Variants in ARHGEF10 observed in about 807,000 individuals in gnomAD.
The protein encoded by ARHGEF10 is Rho guanine nucleotide exchange factor (GEF) 10.
A neutral mutation model predicts 147.4 loss-of-function variants in ARHGEF10; 140 were observed. That is an observed-to-expected ratio of 0.95 (90% CI 0.83 to 1.09). The LOEUF (loss-of-function observed/expected upper bound fraction) is 1.09, where lower values mean the gene tolerates loss of function less well. ARHGEF10 is among the 50% of genes least tolerant of loss of function. ARHGEF10 has a pLI of 0.00. For missense variants in ARHGEF10, 2,222 were observed against 1,752.7 expected (o/e 1.27, Z -4.78); for synonymous variants, 902 against 695.8 (o/e 1.30, Z -4.67).
At chr8:1,918,861 G>A (rs1811965604) in intron 18 of ARHGEF10, among the ~76,000 whole-genome samples, 1 of 151,982 alleles carries the variant, frequency 6.6e-6, no homozygotes, top group African/African-American at 2.4e-5. Context: ...CTGTTATGTG[G>A]ATGATGGAGC....
chr8:1,905,337 T>G (rs1810795666), intron 16 of ARHGEF10, among the ~76,000 whole-genome samples: 1 of 152,152 alleles, frequency 6.6e-6, no homozygotes, highest in African/African-American at 2.4e-5. Context: ...ATTCCTTGCA[T>G]TCCTCACCGT....
intron 11 of ARHGEF10, among the ~76,000 whole-genome samples, chr8:1,889,808 TGGGAG>T (rs1809279897): frequency 9.0e-6 from 1 of 110,920 alleles, no homozygotes; most frequent in Non-Finnish European, 1.8e-5. Context: ...AGACACTTCA[TGGGAG>T]GAGGGTTTGT....
chr8:1,950,487 A>G (rs1374134777), intron 27 of ARHGEF10, among the ~76,000 whole-genome samples: 1 of 152,122 alleles, frequency 6.6e-6, no homozygotes, highest in Non-Finnish European at 1.5e-5. Flanking sequence ...AAAAACATTC[A>G]TATCGGGTTT....
At chr8:1,886,003 T>C (rs925283827) in intron 11 of ARHGEF10, among the ~76,000 whole-genome samples, 2 of 152,166 alleles carry the variant, frequency 1.3e-5, no homozygotes, top group Non-Finnish European at 2.9e-5. Flanking sequence ...GGAACTTGCA[T>C]TCTTCGTGGG....
At chr8:1,841,994 C>A (rs1421236763) in intron 1 of ARHGEF10, among the ~76,000 whole-genome samples, 1 of 69,278 alleles carries the variant, frequency 1.4e-5, no homozygotes, top group Non-Finnish European at 3.0e-5. Flanking sequence ...GAACTGGGGC[C>A]GCGGCGGGAA....
At chr8:1,898,828 C>A (rs1483944590) in intron 15 of ARHGEF10, among the ~76,000 whole-genome samples, 1 of 152,080 alleles carries the variant, frequency 6.6e-6, no homozygotes, top group African/African-American at 2.4e-5. Context: ...GGCCCCAGCA[C>A]TGGGGGGCCG....
chr8:1,952,816 C>G lies in ARHGEF10; in HGVS notation c.3509C>G (p.Pro1170Arg), dbSNP rs1304956886. 1 of 1,613,898 alleles carries G rather than the reference C, an allele frequency of 6.2e-7. No homozygotes were observed. The highest frequency in any genetic ancestry group is 8.5e-7 in the Non-Finnish European group (1 of 1,180,042). Residue 1170 changes from proline (P) to arginine (R), a missense_variant, in exon 28 of 29, where the codon CCC becomes CGC. Pro to Arg is a moderately radical substitution (Grantham distance 103). Transcript: ENST00000349830. ...ALPVPRLQGI[P>R]KVTGRGMVSY... ...CCGGTCCCACGTCTGCAAGGGATTC[C>G]CAAAGTGACCGGTGAGTGGCACCTG...
intron 27 of ARHGEF10, among the ~76,000 whole-genome samples, 195 bp from the exon 28 acceptor site, chr8:1,952,510 G>A (rs1815137736): frequency 6.6e-6 from 1 of 152,252 alleles, no homozygotes; most frequent in African/African-American, 2.4e-5. Flanking sequence ...TGCAGGGTAT[G>A]CCCTCAAGAC....
rs759577617 is a variant in ARHGEF10, at chr8:1,938,751, C to CAT, written c.3222+4811_3222+4812dup. ...AGGAGTTCAAGGCCAGCCTGGGCAG[C>CAT]ATAGCGAGACCCTATATCTAAACAC... On this transcript the variant is annotated intron_variant, in intron 26 of 28. Transcript: ENST00000349830. Among the ~76,000 whole-genome samples the CAT allele has an allele frequency of 7.7e-4, 118 of 152,264 alleles. 1 individual carries two copies. Among genetic ancestry groups the CAT allele is most frequent in the South Asian group, 1.9e-3 (9 of 4,822 alleles).
At position 1,925,397 on chromosome 8, in the gene ARHGEF10, A is replaced by G. The variant is rs975733178; in HGVS notation, c.2603A>G (p.Glu868Gly). Reference sequence around the variant, plus strand: ...CCCGTGATGGTGGCCAAGCAGCAGGAGTTCAAGGTGAAGGGAGGCAGGGCC... The same window carrying G: ...CCCGTGATGGTGGCCAAGCAGCAGGGGTTCAAGGTGAAGGGAGGCAGGGCC... ...HMPVMVAKQQ[E>G]FKIECAAYNP... Residue 868 changes from glutamate to glycine, a missense_variant, in exon 22 of 29, where the codon GAG (glutamate) becomes GGG (glycine). Glu to Gly is a moderately conservative substitution (Grantham distance 98, BLOSUM62 -2). Coordinates refer to ENST00000349830, the MANE Select transcript of ARHGEF10 (RefSeq NM_014629.4). 2 of 1,613,962 alleles carry G rather than the reference A, an allele frequency of 1.2e-6. No homozygotes were observed. Among genetic ancestry groups the G allele is most frequent in the African/African-American group, 2.7e-5 (2 of 74,930 alleles).
At chr8:1,896,256 T>G (rs1809960261) in intron 13 of ARHGEF10, 77 bp from the exon 14 acceptor site, 1 of 1,064,316 alleles carries the variant, frequency 9.4e-7, no homozygotes, top group South Asian at 1.2e-5. Context: ...AGGGCGAGTT[T>G]CAAATCTTCT....
intron 21 of ARHGEF10, among the ~76,000 whole-genome samples, chr8:1,924,426 T>G (rs1045096150): frequency 6.6e-6 from 1 of 152,254 alleles, no homozygotes; most frequent in African/African-American, 2.4e-5. Context: ...TGTAATGTAC[T>G]TATACACATG....
rs746673188 is a variant in ARHGEF10 at position 1,929,197 on chromosome 8, G to A, written c.2922-89G>A. The stretch of plus-strand genomic sequence containing the variant: ...GGAGAAGGAAGGGCAAGAGGGAAGA[G>A]TTGAAATGTTTGTGTTTATGTTAAC... On this transcript the variant is annotated intron_variant, in intron 24 of 28. Transcript: ENST00000349830. 1.7e-5 allele frequency: 24 copies of A among 1,422,236 alleles called. No homozygotes were observed. The East Asian group carries it at 5.0e-4, about 30-fold the overall frequency. 88.1% of individuals were successfully genotyped at this position (1,422,236 alleles called of 1,614,324 possible).
intron 27 of ARHGEF10, among the ~76,000 whole-genome samples, chr8:1,950,277 G>A (rs1396266871): frequency 2.6e-5 from 4 of 152,172 alleles, no homozygotes; most frequent in Non-Finnish European, 5.9e-5. Context: ...GCTTCCGGAC[G>A]GGCACGGGAC....
At chr8:1,883,716 C>G (rs1808409304) in intron 10 of ARHGEF10, among the ~76,000 whole-genome samples, 1 of 152,120 alleles carries the variant, frequency 6.6e-6, no homozygotes. Flanking sequence ...GTATCATGCC[C>G]TGATGAGGTG....
chr8:1,928,907 A>G (rs906688761), intron 24 of ARHGEF10, among the ~76,000 whole-genome samples: 2 of 152,202 alleles, frequency 1.3e-5, no homozygotes, highest in Non-Finnish European at 2.9e-5. Context: ...TTTGCCACTG[A>G]AATGTCTCAT....
chr8:1,869,637 A>G, intron 7 of ARHGEF10: 1 of 333,972 alleles, frequency 3.0e-6, no homozygotes, highest in Admixed American at 4.3e-5. Flanking sequence ...CTCTACAATT[A>G]AAGAAAAACA....
intron 14 of ARHGEF10, among the ~76,000 whole-genome samples, 198 bp from the exon 15 acceptor site, chr8:1,898,235 T>C (rs1335435009): frequency 6.6e-6 from 1 of 152,186 alleles, no homozygotes; most frequent in Non-Finnish European, 1.5e-5. Context: ...GTCGGGCCCC[T>C]GCAGCAAAGC....
intron 2 of ARHGEF10, among the ~76,000 whole-genome samples, chr8:1,849,581 CCAGCTGCGT>C (rs1804850595): frequency 1.7e-5 from 2 of 117,552 alleles, no homozygotes; most frequent in African/African-American, 3.4e-5. Context: ...GGGCGTGGGG[CCAGCTGCGT>C]GGACACAGAC....
Sources: allele counts gnomAD v4.1 joint callset (sites outside exome capture counted in the v4.1 genomes callset), GRCh38; gene constraint gnomAD v4.1.1; transcripts MANE v1.5; gene names NCBI Gene and HGNC (gene_info 2026-07-23, HGNC 2026-07-21).